The following TMPRSS15 variants were observed in gnomAD, a reference collection of about 807,000 sequenced individuals.
TMPRSS15 encodes the protein enteropeptidase.
Under a neutral mutation model 125.3 loss-of-function variants are expected in TMPRSS15, and 128 were observed. That is an observed-to-expected ratio of 1.02 (90% CI 0.89 to 1.18). The LOEUF (loss-of-function observed/expected upper bound fraction) is 1.18, where lower values mean the gene tolerates loss of function less well. TMPRSS15 is among the 50% of genes most tolerant of loss of function. TMPRSS15 has a pLI of 0.00. For synonymous variants in TMPRSS15, 446 were observed against 423.2 expected (o/e 1.05, Z -0.66); for missense variants, 1,283 against 1,212.7 (o/e 1.06, Z -0.86).
chr21:18,425,532 G>T (rs1450430685), intron 1 of TMPRSS15, among the ~76,000 whole-genome samples: 1 of 152,088 alleles, frequency 6.6e-6, no homozygotes, highest in East Asian at 1.9e-4. Flanking sequence ...GAGAAATAAT[G>T]GTTCTTTCAC....
chr21:18,337,383 T>G (rs1439572373), intron 13 of TMPRSS15, among the ~76,000 whole-genome samples: 5 of 152,236 alleles, frequency 3.3e-5, no homozygotes, highest in Non-Finnish European at 5.9e-5. Flanking sequence ...GAAATGTGGA[T>G]TTTGTTTTGT....
chr21:18,472,525 C>T (rs1182054653), intron 1 of TMPRSS15, among the ~76,000 whole-genome samples: 1 of 149,724 alleles, frequency 6.7e-6, no homozygotes, highest in African/African-American at 2.5e-5. Context: ...ATTTAATTGG[C>T]TAGGTTTGTA....
intron 3 of TMPRSS15, among the ~76,000 whole-genome samples, chr21:18,387,006 C>T (rs908643170): frequency 9.2e-5 from 14 of 152,160 alleles, no homozygotes; most frequent in Admixed American, 8.5e-4. Context: ...TTATGCATTA[C>T]ATTTAATAAT....
At chr21:18,288,130 T>C (rs1009157485) in intron 21 of TMPRSS15, among the ~76,000 whole-genome samples, 1 of 152,168 alleles carries the variant, frequency 6.6e-6, no homozygotes, top group Non-Finnish European at 1.5e-5. Context: ...GGTATATATA[T>C]GCAATGAAAT....
At chr21:18,438,286 T>C (rs1218861715) in intron 1 of TMPRSS15, among the ~76,000 whole-genome samples, 1 of 125,584 alleles carries the variant, frequency 8.0e-6, no homozygotes, top group Non-Finnish European at 1.6e-5. Flanking sequence ...TGAGAACACA[T>C]GGACACAGGA....
At chr21:18,413,048 C>T (rs970056337) in intron 1 of TMPRSS15, among the ~76,000 whole-genome samples, 11 of 152,242 alleles carry the variant, frequency 7.2e-5, no homozygotes, top group Non-Finnish European at 1.6e-4. Context: ...CTGAATTTTA[C>T]CTGTGCACCA....
At chr21:18,441,442 T>C (rs1477772619) in intron 1 of TMPRSS15, among the ~76,000 whole-genome samples, 3 of 150,294 alleles carry the variant, frequency 2.0e-5, no homozygotes, top group African/African-American at 7.4e-5. Context: ...CCATCTCTAC[T>C]AAAAATACAG....
At chr21:18,299,981 C>T (rs1414222286) in intron 18 of TMPRSS15, among the ~76,000 whole-genome samples, 1 of 152,130 alleles carries the variant, frequency 6.6e-6, no homozygotes, top group Admixed American at 6.6e-5. Flanking sequence ...TGCTTTTTGA[C>T]ATACAAAGTG....
At chr21:18,482,275 A>G (rs1366879438) in intron 1 of TMPRSS15, among the ~76,000 whole-genome samples, 1 of 151,606 alleles carries the variant, frequency 6.6e-6, no homozygotes, top group Non-Finnish European at 1.5e-5. Context: ...AAAACTTTAT[A>G]CATTTAAATC....
intron 13 of TMPRSS15, among the ~76,000 whole-genome samples, chr21:18,338,872 C>A (rs548117769): frequency 6.6e-6 from 1 of 152,206 alleles, no homozygotes; most frequent in African/African-American, 2.4e-5. Context: ...GAACTCACTT[C>A]TTGTCACAAT....
chr21:18,309,405 A>G (rs1310620243), intron 18 of TMPRSS15, among the ~76,000 whole-genome samples: 3 of 152,192 alleles, frequency 2.0e-5, no homozygotes, highest in African/African-American at 7.2e-5. Context: ...AAATTGACAA[A>G]TGGGATGTAA....
intron 18 of TMPRSS15, 40 bp downstream of exon 18, chr21:18,312,905 T>C (rs770102264): frequency 1.2e-5 from 19 of 1,610,578 alleles, no homozygotes; most frequent in Non-Finnish European, 1.3e-5. Flanking sequence ...ATAAAAAGGT[T>C]TGCAAATCTC....
At chr21:18,272,015 T>C (rs1001766011) in intron 24 of TMPRSS15, among the ~76,000 whole-genome samples, 5 of 152,244 alleles carry the variant, frequency 3.3e-5, no homozygotes, top group African/African-American at 1.2e-4. Context: ...AAGTCTTTGC[T>C]ATTGTAAATA....
intron 4 of TMPRSS15, among the ~76,000 whole-genome samples, chr21:18,382,942 AT>A (rs1481787141): frequency 6.6e-6 from 1 of 152,056 alleles, no homozygotes; most frequent in African/African-American, 2.4e-5. Flanking sequence ...GTTTATTCTT[AT>A]GTTAAAATTA....
chr21:18,407,448 C>CTTTTTTTTTTTTTTT (rs201740388), upstream of TMPRSS15, among the ~76,000 whole-genome samples: 36 of 133,190 alleles, frequency 2.7e-4, no homozygotes, highest in Middle Eastern at 3.9e-3. Context: ...TTTTTCTTTT[C>CTTTTTTTTTTTTTTT]TTTTTTTTTT....
chr21:18,355,358 T>C (rs998228105), intron 8 of TMPRSS15, among the ~76,000 whole-genome samples: 2 of 151,782 alleles, frequency 1.3e-5, no homozygotes, highest in Non-Finnish European at 3.0e-5. Flanking sequence ...ATTCTCACGA[T>C]ATCTAATAGA....
rs2074609231 is a variant in TMPRSS15, at chr21:18,275,492, G to T, written c.2765-156C>A. On this transcript the variant is annotated intron_variant, in intron 23 of 24. Coordinates refer to ENST00000284885, the MANE Select transcript of TMPRSS15 (RefSeq NM_002772.3). ...TAAATACTAAACCTTGCACACTAAAGCACATAATAAAGCCCATCTGTGGAT... is the reference window on the plus strand; with the variant it reads ...TAAATACTAAACCTTGCACACTAAATCACATAATAAAGCCCATCTGTGGAT... Among the ~76,000 whole-genome samples, 7 of 152,106 alleles carry T rather than the reference G, an allele frequency of 4.6e-5. No individual in the cohort carries two copies. In the South Asian group the frequency reaches 1.5e-3, roughly 32 times the overall value.
At chr21:18,320,361 C>CT (rs1279790937) in intron 16 of TMPRSS15, among the ~76,000 whole-genome samples, 1 of 151,910 alleles carries the variant, frequency 6.6e-6, no homozygotes, top group Admixed American at 6.6e-5. Flanking sequence ...TATCTTATTA[C>CT]TTTTTTCATA....
At chr21:18,317,819 T>TCCCATCCC (rs2075185523) in intron 16 of TMPRSS15, among the ~76,000 whole-genome samples, 1 of 54,802 alleles carries the variant, frequency 1.8e-5, no homozygotes, top group African/African-American at 7.6e-5. Context: ...CATCCCATTC[T>TCCCATCCC]ATCCTATCCC....
Sources: allele counts gnomAD v4.1 joint callset (sites outside exome capture counted in the v4.1 genomes callset), GRCh38; gene constraint gnomAD v4.1.1; transcripts MANE v1.5; gene names NCBI Gene and HGNC (gene_info 2026-07-23, HGNC 2026-07-21).